The following EYS variants were observed in gnomAD, a reference collection of about 807,000 sequenced individuals.
EYS encodes the protein EGF-like photoreceptor maintenance factor, also known as protein eyes shut homolog.
Under a neutral mutation model 282.1 loss-of-function variants are expected in EYS, and 250 were observed. The observed-to-expected ratio is 0.89, with a 90% confidence interval of 0.80 to 0.98. The LOEUF (loss-of-function observed/expected upper bound fraction) is 0.98, where lower values mean the gene tolerates loss of function less well. Among genes scored for constraint, EYS ranks in the 50% least tolerant of loss-of-function variants. EYS has a pLI of 0.00. For synonymous variants in EYS, 1,355 were observed against 1,282.9 expected, an observed-to-expected ratio of 1.06 and a Z score of -1.20; for missense variants, 4,016 against 3,709.0, an observed-to-expected ratio of 1.08 and a Z score of -2.15.
intron 33 of EYS, among the ~76,000 whole-genome samples, chr6:64,058,230 C>A (rs1402816225): frequency 1.3e-5 from 2 of 151,534 alleles, no homozygotes; most frequent in Admixed American, 1.3e-4. Flanking sequence ...GATTGTGAGG[C>A]CTCCCCAGTC....
intron 8 of EYS, among the ~76,000 whole-genome samples, chr6:65,361,879 T>A (rs761242352): frequency 6.6e-6 from 1 of 152,158 alleles, no homozygotes; most frequent in South Asian, 2.1e-4. Context: ...CCTCTTATTT[T>A]CTAATTATGA....
intron 7 of EYS, among the ~76,000 whole-genome samples, chr6:65,402,081 A>C (rs948401387): frequency 6.6e-6 from 1 of 151,900 alleles, no homozygotes; most frequent in Non-Finnish European, 1.5e-5. Context: ...GAGGTTTGTG[A>C]AACACAGGAA....
At chr6:64,099,269 A>C (rs1343402855) in intron 31 of EYS, among the ~76,000 whole-genome samples, 1 of 152,248 alleles carries the variant, frequency 6.6e-6, no homozygotes, top group African/African-American at 2.4e-5. Flanking sequence ...AATAATAATT[A>C]GTAAGTAGTA....
intron 31 of EYS, among the ~76,000 whole-genome samples, chr6:64,120,357 TAAAAAAAA>T (rs34632243): frequency 2.6e-5 from 2 of 76,774 alleles, no homozygotes; most frequent in Admixed American, 1.7e-4. Context: ...CTCCATCTCT[TAAAAAAAA>T]AAAAAAAAAA....
intron 11 of EYS, among the ~76,000 whole-genome samples, chr6:65,311,449 G>A (rs1369846893): frequency 6.6e-6 from 1 of 152,166 alleles, no homozygotes; most frequent in Non-Finnish European, 1.5e-5. Context: ...CTTACAGATG[G>A]TTTGACTTAT....
chr6:64,109,288 C>T (rs1162357116), intron 31 of EYS, among the ~76,000 whole-genome samples: 1 of 152,070 alleles, frequency 6.6e-6, no homozygotes, highest in African/African-American at 2.4e-5. Context: ...TCTACTAATA[C>T]TTTACACAAA....
intron 22 of EYS, among the ~76,000 whole-genome samples, chr6:64,750,175 T>C (rs1772697343): frequency 1.3e-5 from 2 of 152,012 alleles, no homozygotes; most frequent in Non-Finnish European, 2.9e-5. Flanking sequence ...TAAAGCTATA[T>C]TTTGGGAATA....
intron 8 of EYS, among the ~76,000 whole-genome samples, chr6:65,381,055 T>C (rs1033774908): frequency 1.3e-5 from 2 of 152,096 alleles, no homozygotes; most frequent in African/African-American, 4.8e-5. Flanking sequence ...GAAGACAGTG[T>C]GGTGATTCCT....
chr6:63,770,460 A>T (rs1769903013), intron 40 of EYS, among the ~76,000 whole-genome samples: 1 of 152,154 alleles, frequency 6.6e-6, no homozygotes. Context: ...CACAGACACA[A>T]AATCTATGTG....
chr6:64,819,185 TAGAG>T (rs1764826536), intron 21 of EYS, among the ~76,000 whole-genome samples: 1 of 152,090 alleles, frequency 6.6e-6, no homozygotes, highest in Non-Finnish European at 1.5e-5. Flanking sequence ...GTAAGTAAGA[TAGAG>T]AGAGATGTAG....
chr6:64,600,736 A>C (rs1222333735), intron 24 of EYS, among the ~76,000 whole-genome samples: 1 of 152,136 alleles, frequency 6.6e-6, no homozygotes, highest in African/African-American at 2.4e-5. Context: ...TGGCTGGCAC[A>C]TACTGATGTA....
intron 17 of EYS, 70 bp from the exon 18 acceptor site, chr6:64,902,290 C>G (rs1345923047): frequency 7.5e-7 from 1 of 1,340,938 alleles, no homozygotes; most frequent in Non-Finnish European, 1.0e-6. Context: ...CTAATTGTAG[C>G]ATGGCAAGTT....
intron 5 of EYS, among the ~76,000 whole-genome samples, chr6:65,416,948 G>C (rs1767263674): frequency 6.6e-6 from 1 of 151,880 alleles, no homozygotes. Context: ...CAGCTAACTT[G>C]TTTACCTATG....
At chr6:63,994,680 A>G (rs1004883746) in intron 34 of EYS, among the ~76,000 whole-genome samples, 7 of 152,068 alleles carry the variant, frequency 4.6e-5, no homozygotes, top group Middle Eastern at 3.4e-3. Flanking sequence ...ACCCCTACTC[A>G]TCATCAAGAA....
chr6:64,974,167 T>C (rs1341918565), intron 14 of EYS, among the ~76,000 whole-genome samples: 2 of 151,826 alleles, frequency 1.3e-5, no homozygotes, highest in Non-Finnish European at 2.9e-5. Flanking sequence ...ACCAGAGACA[T>C]CTATTCAAAA....
intron 12 of EYS, among the ~76,000 whole-genome samples, chr6:65,159,881 G>A (rs903667757): frequency 6.6e-6 from 1 of 150,946 alleles, no homozygotes. Flanking sequence ...AGAGAAGAGA[G>A]GGATGTAAGT....
At chr6:65,695,592 A>T (rs1202886948) in intron 1 of EYS, among the ~76,000 whole-genome samples, 4 of 151,832 alleles carry the variant, frequency 2.6e-5, no homozygotes, top group Non-Finnish European at 5.9e-5. Context: ...TCACAGCCAT[A>T]TTAAGCTGAT....
chr6:65,480,940 G>C (rs1765584382), intron 5 of EYS, among the ~76,000 whole-genome samples: 1 of 152,166 alleles, frequency 6.6e-6, no homozygotes, highest in Non-Finnish European at 1.5e-5. Flanking sequence ...GTAGAATTGT[G>C]AGTATTAGAT....
intron 19 of EYS, among the ~76,000 whole-genome samples, chr6:64,836,068 C>T (rs187290152): frequency 1.0e-3 from 153 of 149,262 alleles, no homozygotes; most frequent in Non-Finnish European, 1.8e-3. Flanking sequence ...GCTCAAATCT[C>T]ATAATCGTAA....
Sources: gnomAD v4.1 joint callset for allele counts (sites outside exome capture counted in the v4.1 genomes callset) on GRCh38, gnomAD v4.1.1 for gene constraint, MANE v1.5 for transcripts, NCBI Gene and HGNC (gene_info 2026-07-23, HGNC 2026-07-21) for gene names.